PTPRE: variants seen among roughly 807,000 people sequenced by gnomAD.
PTPRE encodes protein tyrosine phosphatase receptor type E.
In PTPRE, 51 loss-of-function variants were observed where a neutral mutation model predicts 102.0. That is an observed-to-expected ratio of 0.50 (90% CI 0.40 to 0.63). The LOEUF (loss-of-function observed/expected upper bound fraction) is 0.63, where lower values mean the gene tolerates loss of function less well. PTPRE is among the 30% of genes least tolerant of loss of function. PTPRE has a pLI of 0.00. For missense variants in PTPRE, 752 were observed against 915.1 expected, an observed-to-expected ratio of 0.82 and a Z score of 2.30; for synonymous variants, 345 against 348.2, an observed-to-expected ratio of 0.99 and a Z score of 0.10.
rs58597055 is a variant in PTPRE, at chr10:128,034,325, AC to A, written c.-7-6542del. 3.2e-4 allele frequency among the ~76,000 whole-genome samples: 47 copies of A among 147,154 alleles called. 1 individual carries two copies. The highest frequency in any genetic ancestry group is 1.1e-3 in the African/African-American group (42 of 38,946). On this transcript the variant is annotated intron_variant, in intron 2 of 20. Coordinates refer to ENST00000254667, the MANE Select transcript of PTPRE (RefSeq NM_006504.6). The stretch of plus-strand genomic sequence containing the variant: ...CACCCAAAACCCTCCCCTCCACACC[AC>A]CCCCCCCACCGACACACACACAGAA...
chr10:127,989,563 A>G (rs1002513216), intron 2 of PTPRE, among the ~76,000 whole-genome samples: 1 of 152,226 alleles, frequency 6.6e-6, no homozygotes, highest in African/African-American at 2.4e-5. Context: ...GCCAGTCCCC[A>G]GCGGTGCTCT....
chr10:128,051,497 C>T (rs1564930482), intron 6 of PTPRE, among the ~76,000 whole-genome samples: 1 of 152,228 alleles, frequency 6.6e-6, no homozygotes, highest in Non-Finnish European at 1.5e-5. Flanking sequence ...TTCCCTGTTG[C>T]CCTGGGCCCT....
At chr10:128,007,204 A>T (rs1189831038) in intron 2 of PTPRE, among the ~76,000 whole-genome samples, 1 of 152,198 alleles carries the variant, frequency 6.6e-6, no homozygotes, top group Admixed American at 6.5e-5. Flanking sequence ...CTGAGTGTTT[A>T]TAGAGACCTG....
At chr10:128,002,500 G>C (rs1362200494) in intron 2 of PTPRE, among the ~76,000 whole-genome samples, 2 of 151,994 alleles carry the variant, frequency 1.3e-5, no homozygotes, top group African/African-American at 2.4e-5. Context: ...GCAGTGCGTA[G>C]GTAGGCAGGA....
intron 1 of PTPRE, among the ~76,000 whole-genome samples, chr10:127,973,627 T>A (rs1387659621): frequency 6.6e-6 from 1 of 152,186 alleles, no homozygotes; most frequent in African/African-American, 2.4e-5. Context: ...AACAAACGTC[T>A]CTGCTCTGAG....
chr10:128,017,952 C>T (rs1845572258), intron 2 of PTPRE, among the ~76,000 whole-genome samples: 1 of 152,246 alleles, frequency 6.6e-6, no homozygotes, highest in Non-Finnish European at 1.5e-5. Context: ...CTTCGCATCA[C>T]ACACAGGGAC....
chr10:128,069,978 A>C (rs1319177564), intron 13 of PTPRE, 151 bp downstream of exon 13: 2 of 1,158,608 alleles, frequency 1.7e-6, no homozygotes, highest in Non-Finnish European at 2.5e-6. Flanking sequence ...TTCCCTGCCC[A>C]CGCGTGGGAC....
chr10:128,056,135 G>C lies in PTPRE; in HGVS notation c.433G>C (p.Gly145Arg). ...FREEFNSLPSGHIQGTFELAN... is the reference protein window; with the variant it reads ...FREEFNSLPSRHIQGTFELAN... The stretch of plus-strand genomic sequence containing the variant: ...CATTTTCTTCCAGTCATTGCCATCT[G>C]GACACATACAAGGAACTTTTGAACT... Residue 145 changes from glycine (G) to arginine (R), a missense_variant, in exon 7 of 21, where the codon GGA becomes CGA. Physicochemically the swap from Gly to Arg is moderately radical, Grantham distance 125. Transcript: ENST00000254667. The C allele has an allele frequency of 1.2e-6, 2 of 1,611,146 alleles. No homozygotes were observed. Among genetic ancestry groups the C allele is most frequent in the Non-Finnish European group, 1.7e-6 (2 of 1,177,512 alleles).
chr10:128,070,727 A>G lies in PTPRE; in HGVS notation c.1294-81A>G. ...TTTCCTTTGAGCAGGCGTCCTTGCC[A>G]GCAGCACTAGTCCTCGGCTGAGCAA... On this transcript the variant is annotated intron_variant, in intron 14 of 20. Coordinates refer to ENST00000254667, the MANE Select transcript of PTPRE (RefSeq NM_006504.6). This position sits in a 1 kb window ranked among gnomAD's most constrained non-coding sequence, Gnocchi z 4.8. The G allele has an allele frequency of 6.9e-7, 1 of 1,454,248 alleles. No homozygotes were observed. Among genetic ancestry groups the G allele is most frequent in the South Asian group, 1.2e-5 (1 of 82,932 alleles). The allele number at this position is 1,454,248 out of a possible 1,614,324, so 90.1% of individuals were successfully genotyped here.
At chr10:127,931,337 A>G (rs369512474) in intron 1 of PTPRE, among the ~76,000 whole-genome samples, 126 of 152,308 alleles carry the variant, frequency 8.3e-4, no homozygotes, top group African/African-American at 2.6e-3. Flanking sequence ...TTCTGATGAT[A>G]TTTCCCTAAA....
intron 11 of PTPRE, among the ~76,000 whole-genome samples, chr10:128,067,248 ATT>A (rs1850278375): frequency 2.0e-5 from 3 of 146,860 alleles, no homozygotes; most frequent in Admixed American, 6.7e-5. Context: ...ACGCACACAC[ATT>A]CATGCACATG....
chr10:128,060,081 TACACACAC>T (rs59000055), intron 7 of PTPRE, among the ~76,000 whole-genome samples: 6,848 of 146,046 alleles, frequency 0.047, 172 homozygotes, highest in Non-Finnish European at 0.055. Flanking sequence ...TACCACACAC[TACACACAC>T]ACACACACAC....
intron 2 of PTPRE, among the ~76,000 whole-genome samples, chr10:128,039,434 G>T (rs781588495): frequency 6.6e-6 from 1 of 152,128 alleles, no homozygotes; most frequent in Non-Finnish European, 1.5e-5. Flanking sequence ...AATTATTTGT[G>T]TATGTGGCTC....
intron 2 of PTPRE, among the ~76,000 whole-genome samples, chr10:128,000,500 A>G (rs1853764293): frequency 1.3e-5 from 2 of 152,178 alleles, no homozygotes; most frequent in South Asian, 4.1e-4. Context: ...CATACTGCTT[A>G]TAGTTTAAGA....
At chr10:128,025,005 T>C (rs1590051288) in intron 2 of PTPRE, among the ~76,000 whole-genome samples, 1 of 150,824 alleles carries the variant, frequency 6.6e-6, no homozygotes, top group African/African-American at 2.4e-5. Flanking sequence ...AAAATATAAA[T>C]GAAATTAGGC....
At chr10:128,000,751 A>G (rs1170254794) in intron 2 of PTPRE, among the ~76,000 whole-genome samples, 1 of 152,184 alleles carries the variant, frequency 6.6e-6, no homozygotes, top group African/African-American at 2.4e-5. Flanking sequence ...TTTCTTTCCT[A>G]CAAAGTGAAG....
At chr10:127,977,374 T>G (rs1343367217) in intron 1 of PTPRE, among the ~76,000 whole-genome samples, 1 of 152,260 alleles carries the variant, frequency 6.6e-6, no homozygotes, top group African/African-American at 2.4e-5. Flanking sequence ...TAGAAACATG[T>G]ATGTAAACAT....
At chr10:128,076,225 C>G (rs1351335000) in intron 17 of PTPRE, among the ~76,000 whole-genome samples, 1 of 152,138 alleles carries the variant, frequency 6.6e-6, no homozygotes, top group African/African-American at 2.4e-5. Context: ...GGCCATGACA[C>G]GTGGAAGTGC....
chr10:127,970,752 G>C (rs979783182), intron 1 of PTPRE, among the ~76,000 whole-genome samples: 1 of 150,724 alleles, frequency 6.6e-6, no homozygotes, highest in Admixed American at 6.6e-5. Context: ...TTCCATCATG[G>C]CTGCGCTCAC....
Sources: allele counts gnomAD v4.1 joint callset (sites outside exome capture counted in the v4.1 genomes callset), GRCh38; gene constraint gnomAD v4.1.1; non-coding constraint Gnocchi (gnomAD v3.1); transcripts MANE v1.5; gene names NCBI Gene and HGNC (gene_info 2026-07-23, HGNC 2026-07-21).